Variants in CAV3 observed in about 807,000 individuals in gnomAD.
CAV3 encodes caveolin 3.
In CAV3, 10 loss-of-function variants were observed where a neutral mutation model predicts 13.4. The ratio of observed to expected loss-of-function variants is 0.75; its 90% CI spans 0.46 to 1.27. The LOEUF is 1.27. Ranked by LOEUF, CAV3 falls within the 50% of genes most tolerant of loss-of-function variation. CAV3 has a pLI of 0.00. For synonymous variants in CAV3, 90 were observed against 79.0 expected (o/e 1.14, Z -0.74); for missense variants, 162 against 194.0 (o/e 0.83, Z 0.98).
rs559206877 is a variant in CAV3 at position 8,745,813 on chromosome 3, G to A, written c.402G>A (p.Ala134=). 23 of 1,613,822 alleles carry A rather than the reference G, an allele frequency of 1.4e-5. No individual in the cohort carries two copies. Among genetic ancestry groups the A allele is most frequent in the East Asian group, 1.1e-4 (5 of 44,878 alleles). Residue 134 remains alanine, a synonymous_variant, in exon 2 of 2, where the codon GCG becomes GCA. Coordinates refer to ENST00000343849, the MANE Select transcript of CAV3 (RefSeq NM_033337.3). The surrounding 1 kb of genome is among the most constrained non-coding windows in gnomAD (Gnocchi z 4.8). ...GCACCTTCTGCAACCCACTCTTCGC[G>A]GCCCTGGGCCAGGTCTGCAGCAGCA... is the stretch of plus-strand genomic sequence containing the variant. ...CIRTFCNPLF[A]ALGQVCSSIK...
At chr3:8,737,976 C>G (rs150215216) in intron 1 of CAV3, among the ~76,000 whole-genome samples, 6 of 152,168 alleles carry the variant, frequency 3.9e-5, no homozygotes, top group Admixed American at 6.5e-5. Flanking sequence ...ACAGCATGCT[C>G]TCTCTCTCTG....
At chr3:8,742,731 G>T in intron 1 of CAV3, 1 of 298,304 alleles carries the variant, frequency 3.4e-6, no homozygotes, top group Non-Finnish European at 6.7e-6. Context: ...TGGATGTGTG[G>T]GTGGGTGGAT....
Position 8,744,275 on chromosome 3 carries a change from A to ATTTT in CAV3, c.115-1233_115-1230dup, listed in dbSNP as rs35889837. On this transcript the variant is annotated intron_variant, in intron 1 of 1. Coordinates refer to ENST00000343849, the MANE Select transcript of CAV3 (RefSeq NM_033337.3). The stretch of plus-strand genomic sequence containing the variant: ...CACTGCTGTTTAATTGACCAGTGGA[A>ATTTT]TTTTTTTTTTTTTTTTTTTTTGAGA... 1.4e-3 allele frequency among the ~76,000 whole-genome samples: 168 copies of ATTTT among 120,844 alleles called. 4 individuals carry two copies. Among genetic ancestry groups the ATTTT allele is most frequent in the African/African-American group, 5.8e-3 (163 of 27,990 alleles). 79.3% of individuals were successfully genotyped at this position (120,844 alleles called of 152,430 possible). A position where few individuals can be genotyped will look rare whatever the true frequency, so the allele number is the denominator to read the frequency against.
intron 1 of CAV3, among the ~76,000 whole-genome samples, chr3:8,736,636 C>A (rs1171184586): frequency 2.6e-5 from 4 of 152,250 alleles, no homozygotes; most frequent in African/African-American, 9.6e-5. Context: ...CTCCAAGCCG[C>A]AGGCCTGGAT....
Position 8,742,414 on chromosome 3 carries a change from A to T in CAV3, c.115-3112A>T, listed in dbSNP as rs762722480. ...AGAAAGATAATTAAAAGACACATAC[A>T]GAAGCCATTGGCGGTAGGATTATTA... On this transcript the variant is annotated intron_variant, in intron 1 of 1. Coordinates refer to ENST00000343849, the MANE Select transcript of CAV3 (RefSeq NM_033337.3). 24 of 413,618 alleles carry T rather than the reference A, an allele frequency of 5.8e-5. 1 individual carries two copies. The highest frequency in any genetic ancestry group is 4.3e-4 in the South Asian group (24 of 56,428). The allele number at this position is 413,618 out of a possible 1,614,324, so 25.6% of individuals were successfully genotyped here. A position where few individuals can be genotyped will look rare whatever the true frequency, so the allele number is the denominator to read the frequency against.
intron 1 of CAV3, among the ~76,000 whole-genome samples, chr3:8,740,916 A>G (rs1245692853): frequency 6.6e-6 from 1 of 152,200 alleles, no homozygotes; most frequent in East Asian, 1.9e-4. Context: ...GGCTGACCTG[A>G]GCGTCACTCT....
At chr3:8,741,805 C>T (rs568582830) in intron 1 of CAV3, among the ~76,000 whole-genome samples, 128 of 152,284 alleles carry the variant, frequency 8.4e-4, no homozygotes, top group Admixed American at 1.8e-3. Flanking sequence ...AGCAATCCCC[C>T]GCCCTGCTAT....
At position 8,741,879 on chromosome 3, in the gene CAV3, C is replaced by G. The variant is rs187832126; in HGVS notation, c.115-3647C>G. Among the ~76,000 whole-genome samples, 225 of 152,268 alleles carry G rather than the reference C, an allele frequency of 1.5e-3. 3 individuals carry two copies. The South Asian group carries it at 0.016, about 11-fold the overall frequency. On this transcript the variant is annotated intron_variant, in intron 1 of 1. Coordinates refer to ENST00000343849, the MANE Select transcript of CAV3 (RefSeq NM_033337.3). Reference sequence around the variant, plus strand: ...GCGCTGGCTGGTTTCAATTAATCAACTGGGTCTCTTGCTGTTCCAAAAATA... The same window carrying G: ...GCGCTGGCTGGTTTCAATTAATCAAGTGGGTCTCTTGCTGTTCCAAAAATA...
At chr3:8,740,810 C>T (rs530838537) in intron 1 of CAV3, among the ~76,000 whole-genome samples, 218 of 152,314 alleles carry the variant, frequency 1.4e-3, no homozygotes, top group African/African-American at 5.1e-3. Context: ...CCAGATGATG[C>T]CTGGCCACCT....
In CAV3 at chr3:8,745,757, T is replaced by G; in HGVS notation, c.346T>G (p.Cys116Gly). Residue 116 changes from cysteine to glycine, a missense_variant, in exon 2 of 2, where the codon TGC (cysteine) becomes GGC (glycine). By Grantham distance (159) the Cys-to-Gly change is radical (BLOSUM62 -3). Transcript: ENST00000343849. This position sits in a 1 kb window ranked among gnomAD's most constrained non-coding sequence, Gnocchi z 4.8. ...CIKSYLIEIQ[C>G]ISHIYSLCIR... Reference sequence around the variant, plus strand: ...TAAGAGCTACCTGATCGAGATCCAGTGCATCAGCCACATCTACTCACTCTG... The same window carrying G: ...TAAGAGCTACCTGATCGAGATCCAGGGCATCAGCCACATCTACTCACTCTG... 1 of 1,614,136 alleles carries G rather than the reference T, an allele frequency of 6.2e-7. No individual in the cohort carries two copies. The highest frequency in any genetic ancestry group is 8.5e-7 in the Non-Finnish European group (1 of 1,180,030).
chr3:8,742,920 G>T (rs2124985294), intron 1 of CAV3, among the ~76,000 whole-genome samples: 1 of 152,266 alleles, frequency 6.6e-6, no homozygotes, highest in Middle Eastern at 3.4e-3. Context: ...TTGGTTCATG[G>T]TTCTACAGGC....
In CAV3 at chr3:8,737,073, C is replaced by T. The variant is rs146653776; in HGVS notation, c.114+3083C>T. On this transcript the variant is annotated intron_variant, in intron 1 of 1. Coordinates refer to ENST00000343849, the MANE Select transcript of CAV3 (RefSeq NM_033337.3). ...CAGCCTCTCAACTGCCCGGGTTTTG[C>T]CATCGATGGAGGAAAAGAGAGATGG... 3.9e-5 allele frequency among the ~76,000 whole-genome samples: 6 copies of T among 151,964 alleles called. No individual in the cohort carries two copies. The East Asian group carries it at 1.2e-3, about 29-fold the overall frequency.
At chr3:8,737,913 C>T (rs1381045363) in intron 1 of CAV3, among the ~76,000 whole-genome samples, 2 of 152,132 alleles carry the variant, frequency 1.3e-5, no homozygotes, top group Non-Finnish European at 2.9e-5. Context: ...ACCTCAGAGC[C>T]ACCCCACAGT....
chr3:8,744,612 C>T (rs534598979), intron 1 of CAV3, among the ~76,000 whole-genome samples: 1 of 152,178 alleles, frequency 6.6e-6, no homozygotes, highest in South Asian at 2.1e-4. Flanking sequence ...TGCTAAGTGA[C>T]ATCACCCATG....
At chr3:8,737,127 A>G (rs1043263018) in intron 1 of CAV3, among the ~76,000 whole-genome samples, 5 of 152,168 alleles carry the variant, frequency 3.3e-5, no homozygotes, top group African/African-American at 1.2e-4. Flanking sequence ...GGAGACAGAG[A>G]GAGATGGAGA....
chr3:8,734,108 C>G (rs1035114003), intron 1 of CAV3, 118 bp downstream of exon 1: 4 of 704,250 alleles, frequency 5.7e-6, no homozygotes, highest in Non-Finnish European at 1.0e-5. Flanking sequence ...ACTTGTTGCT[C>G]TGTTGTCTCT....
intron 1 of CAV3, among the ~76,000 whole-genome samples, chr3:8,744,445 ATTTTTT>A (rs141816229): frequency 2.7e-4 from 30 of 111,378 alleles, no homozygotes; most frequent in South Asian, 8.5e-4. Context: ...TACCCGGCTA[ATTTTTT>A]TTTTTTTTTT....
At chr3:8,744,438 C>T (rs1454381264) in intron 1 of CAV3, among the ~76,000 whole-genome samples, 10 of 148,018 alleles carry the variant, frequency 6.8e-5, no homozygotes. Context: ...GCTGCCATAC[C>T]CGGCTAATTT....
chr3:8,737,631 A>G (rs1355578883), intron 1 of CAV3, among the ~76,000 whole-genome samples: 1 of 151,938 alleles, frequency 6.6e-6, no homozygotes, highest in African/African-American at 2.4e-5. Context: ...GGGGGAGCAC[A>G]CCCCCATTTC....
Sources: gnomAD v4.1 joint callset for allele counts (sites outside exome capture counted in the v4.1 genomes callset) on GRCh38, gnomAD v4.1.1 for gene constraint, Gnocchi (gnomAD v3.1) non-coding constraint, MANE v1.5 for transcripts, NCBI Gene and HGNC (gene_info 2026-07-23, HGNC 2026-07-21) for gene names.